The following ATXN1 variants were observed in gnomAD, a reference collection of about 807,000 sequenced individuals.
ATXN1 encodes ataxin-1.
In ATXN1, 8 loss-of-function variants were observed where a neutral mutation model predicts 56.4. The observed-to-expected ratio is 0.14, with a 90% CI of 0.08 to 0.26. The LOEUF (loss-of-function observed/expected upper bound fraction) is 0.26. Ranked by LOEUF, ATXN1 falls within the 10% of genes least tolerant of loss-of-function variation. ATXN1 has a pLI of 1.00. For missense variants in ATXN1, 987 were observed against 1,106.5 expected, an observed-to-expected ratio of 0.89 and a Z score of 1.53; for synonymous variants, 514 against 494.6, an observed-to-expected ratio of 1.04 and a Z score of -0.52.
chr6:16,460,865 C>T (rs1175975281), intron 6 of ATXN1, among the ~76,000 whole-genome samples: 1 of 152,198 alleles, frequency 6.6e-6, no homozygotes, highest in Non-Finnish European at 1.5e-5. Flanking sequence ...TTACCCAAGC[C>T]TTAGAACCGG....
chr6:16,622,825 A>G (rs188648488), intron 3 of ATXN1, among the ~76,000 whole-genome samples: 129 of 152,304 alleles, frequency 8.5e-4, no homozygotes, highest in Middle Eastern at 3.4e-3. Context: ...CAGAACAGAG[A>G]AAAACGAGTT....
intron 6 of ATXN1, among the ~76,000 whole-genome samples, chr6:16,338,480 G>A (rs547940696): frequency 3.3e-5 from 5 of 152,284 alleles, no homozygotes; most frequent in African/African-American, 1.2e-4. Context: ...GCGACAGAGC[G>A]AGACTCCATC....
intron 6 of ATXN1, among the ~76,000 whole-genome samples, chr6:16,383,893 A>G (rs1008606877): frequency 7.9e-5 from 12 of 152,220 alleles, no homozygotes; most frequent in African/African-American, 2.9e-4. Context: ...TCAGTAAAGG[A>G]ATTATCCGTG....
intron 2 of ATXN1, chr6:16,752,821 C>A: frequency 6.0e-6 from 1 of 168,028 alleles, no homozygotes; most frequent in South Asian, 1.3e-4. Context: ...TACTGGTTCC[C>A]CTAAACAAAT....
chr6:16,676,901 G>T (rs1758673495), intron 2 of ATXN1, among the ~76,000 whole-genome samples: 1 of 152,026 alleles, frequency 6.6e-6, no homozygotes, highest in African/African-American at 2.4e-5. Context: ...CAAGATTGGG[G>T]ATATCATTGT....
chr6:16,446,435 G>T (rs564204956), intron 6 of ATXN1, among the ~76,000 whole-genome samples: 6 of 152,180 alleles, frequency 3.9e-5, no homozygotes, highest in Non-Finnish European at 8.8e-5. Flanking sequence ...TTCCTTTGGG[G>T]TGCCTGTTAA....
At chr6:16,508,205 C>T (rs1362621801) in intron 5 of ATXN1, among the ~76,000 whole-genome samples, 5 of 151,952 alleles carry the variant, frequency 3.3e-5, no homozygotes, top group Non-Finnish European at 5.9e-5. Flanking sequence ...CTTTGGAAAA[C>T]GATACTACAT....
rs57987667 is a variant in ATXN1 at position 16,307,924 on chromosome 6, C to G, written c.1918-1065G>C. On this transcript the variant is annotated intron_variant, in intron 7 of 7. Coordinates refer to ENST00000436367, the MANE Select transcript of ATXN1 (RefSeq NM_001128164.2). ...ATCCCAGCACTTTGGGAGGCCAAGGCGCGTGGATCACCTGAGGTCAGGAGT... is the reference window on the plus strand; with the variant it reads ...ATCCCAGCACTTTGGGAGGCCAAGGGGCGTGGATCACCTGAGGTCAGGAGT... 8.0e-4 allele frequency among the ~76,000 whole-genome samples: 121 copies of G among 152,044 alleles called. 1 individual carries two copies. The highest frequency in any genetic ancestry group is 2.9e-3 in the African/African-American group (120 of 41,482).
chr6:16,408,192 T>C (rs1758725987), intron 6 of ATXN1, among the ~76,000 whole-genome samples: 1 of 152,128 alleles, frequency 6.6e-6, no homozygotes. Flanking sequence ...AGAGGACACA[T>C]ATCCCTGCTG....
At chr6:16,330,892 C>T (rs906522439) in intron 6 of ATXN1, among the ~76,000 whole-genome samples, 52 of 152,076 alleles carry the variant, frequency 3.4e-4, no homozygotes, top group African/African-American at 1.2e-3. Context: ...ACAAGAGAGG[C>T]GCTTAAAGAC....
At chr6:16,368,343 C>CTTCTTTTTTTTTTTTTT (rs1354007963) in intron 6 of ATXN1, among the ~76,000 whole-genome samples, 3 of 75,870 alleles carry the variant, frequency 4.0e-5, no homozygotes, top group African/African-American at 1.2e-4. Flanking sequence ...ACTTCTTCTT[C>CTTCTTTTTTTTTTTTTT]TTTTTTTTTT....
rs1760187327 is a variant in ATXN1 at position 16,304,453 on chromosome 6, A to G, written c.*1876T>C. 1 of 152,558 alleles carries G rather than the reference A, an allele frequency of 6.6e-6. No homozygotes were observed. The highest frequency in any genetic ancestry group is 1.5e-5 in the Non-Finnish European group (1 of 68,026). The allele number at this position is 152,558 out of a possible 1,614,324, so 9.5% of individuals were successfully genotyped here. A position where few individuals can be genotyped will look rare whatever the true frequency, so the allele number is the denominator to read the frequency against. On this transcript the variant is annotated 3_prime_UTR_variant, in exon 8 of 8. Transcript: ENST00000436367. The stretch of plus-strand genomic sequence containing the variant: ...GATTTTGAATAGAAAAAAAAAAGCC[A>G]TTCTGAAAATAACATTAATAACAAC...
intron 2 of ATXN1, among the ~76,000 whole-genome samples, chr6:16,692,901 G>T (rs1759079690): frequency 6.6e-6 from 1 of 152,216 alleles, no homozygotes; most frequent in Admixed American, 6.5e-5. Flanking sequence ...GGTCTTTGCA[G>T]ATGGGAAGAT....
intron 6 of ATXN1, among the ~76,000 whole-genome samples, chr6:16,462,690 C>A (rs1053455171): frequency 1.1e-4 from 17 of 152,282 alleles, no homozygotes; most frequent in African/African-American, 4.1e-4. Context: ...AGCCCTGTAA[C>A]CGTGAATACC....
intron 6 of ATXN1, among the ~76,000 whole-genome samples, chr6:16,341,514 ATTT>A (rs1180798356): frequency 9.0e-5 from 11 of 122,682 alleles, no homozygotes; most frequent in African/African-American, 2.8e-4. Context: ...GGTATAGAGG[ATTT>A]TTTTTTTTTT....
intron 6 of ATXN1, among the ~76,000 whole-genome samples, chr6:16,348,288 C>A (rs1229420526): frequency 6.6e-6 from 1 of 152,174 alleles, no homozygotes; most frequent in Non-Finnish European, 1.5e-5. Context: ...TGGTCTCAAA[C>A]TCCTGGGCTT....
chr6:16,483,817 T>G (rs1561719719), intron 6 of ATXN1, among the ~76,000 whole-genome samples: 1 of 152,212 alleles, frequency 6.6e-6, no homozygotes, highest in Non-Finnish European at 1.5e-5. Context: ...AAAAGCTATC[T>G]TGATTATGGT....
At chr6:16,321,864 T>C (rs998303070) in intron 7 of ATXN1, among the ~76,000 whole-genome samples, 2 of 152,222 alleles carry the variant, frequency 1.3e-5, no homozygotes, top group African/African-American at 4.8e-5. Context: ...GGCTGTGCTG[T>C]TCTGGAAAGT....
Position 16,410,784 on chromosome 6 carries a change from T to A in ATXN1, c.-161+75188A>T, listed in dbSNP as rs1476165553. Reference sequence around the variant, plus strand: ...AATTTGAAGTTAAGTCTCCTCTTAGTGTAGCAGTACGTATTTTGAATGAGA... The same window carrying A: ...AATTTGAAGTTAAGTCTCCTCTTAGAGTAGCAGTACGTATTTTGAATGAGA... On this transcript the variant is annotated intron_variant, in intron 6 of 7. Transcript: ENST00000436367. The surrounding 1 kb of genome is among the most constrained non-coding windows in gnomAD (Gnocchi z 4.6). 1.3e-5 allele frequency among the ~76,000 whole-genome samples: 2 copies of A among 152,194 alleles called. No homozygotes were observed. The highest frequency in any genetic ancestry group is 3.8e-4 in the East Asian group (2 of 5,198).
Sources: allele counts gnomAD v4.1 joint callset (sites outside exome capture counted in the v4.1 genomes callset), GRCh38; gene constraint gnomAD v4.1.1; non-coding constraint Gnocchi (gnomAD v3.1); transcripts MANE v1.5; gene names NCBI Gene and HGNC (gene_info 2026-07-23, HGNC 2026-07-21).